Variants in RBM20 observed in about 807,000 individuals in gnomAD.
RBM20 encodes the protein RNA-binding protein 20.
RBM20 carries 51 observed loss-of-function variants against 110.1 expected under a neutral mutation model. That is an observed-to-expected ratio of 0.46 (90% CI 0.37 to 0.59). The LOEUF is 0.59. Ranked by LOEUF, RBM20 falls within the 20% of genes least tolerant of loss-of-function variation. The probability of loss-of-function intolerance (pLI) is 0.00; values close to 1 mark genes in which losing one functional copy is unlikely to be tolerated. For missense variants in RBM20, 1,512 were observed against 1,574.9 expected, an observed-to-expected ratio of 0.96 and a Z score of 0.68; for synonymous variants, 589 against 618.2, an observed-to-expected ratio of 0.95 and a Z score of 0.70.
At chr10:110,771,428 C>T (rs1477733469) in intron 1 of RBM20, among the ~76,000 whole-genome samples, 1 of 152,180 alleles carries the variant, frequency 6.6e-6, no homozygotes, top group African/African-American at 2.4e-5. Flanking sequence ...CCATGCCTAG[C>T]CCATTGAATA....
intron 1 of RBM20, among the ~76,000 whole-genome samples, chr10:110,651,341 T>C (rs1023886157): frequency 2.6e-5 from 4 of 152,218 alleles, no homozygotes; most frequent in Admixed American, 2.0e-4. Context: ...TCACAAAGAA[T>C]ATTTGGATCA....
chr10:110,732,799 C>G (rs147954981), intron 1 of RBM20, among the ~76,000 whole-genome samples: 1 of 152,142 alleles, frequency 6.6e-6, no homozygotes, highest in African/African-American at 2.4e-5. Context: ...GAAGACCTCA[C>G]TGGAAATCAT....
chr10:110,775,091 G>A (rs1844243886), intron 1 of RBM20, among the ~76,000 whole-genome samples: 1 of 152,188 alleles, frequency 6.6e-6, no homozygotes, highest in African/African-American at 2.4e-5. Flanking sequence ...CTAGCAGAAT[G>A]TGTCATAAAG....
chr10:110,706,390 A>G (rs750776239), intron 1 of RBM20, among the ~76,000 whole-genome samples: 22 of 152,356 alleles, frequency 1.4e-4, no homozygotes, highest in Admixed American at 3.9e-4. Flanking sequence ...AATGGGCAAT[A>G]TCTGTGTGTC....
intron 5 of RBM20, among the ~76,000 whole-genome samples, chr10:110,795,168 C>A (rs1461216758): frequency 2.6e-5 from 4 of 152,252 alleles, no homozygotes; most frequent in Non-Finnish European, 5.9e-5. Flanking sequence ...ACCAGCCACT[C>A]TACCCTGCTT....
intron 1 of RBM20, among the ~76,000 whole-genome samples, chr10:110,687,519 GC>G (rs1590617707): frequency 6.6e-6 from 1 of 152,144 alleles, no homozygotes; most frequent in African/African-American, 2.4e-5. Context: ...ATCTAAACGA[GC>G]AAAAAATGTC....
chr10:110,718,918 A>C (rs1383640953), intron 1 of RBM20, among the ~76,000 whole-genome samples: 6 of 152,028 alleles, frequency 3.9e-5, no homozygotes, highest in Non-Finnish European at 7.4e-5. Context: ...ACCCAGCCTA[A>C]TTCTACTTCT....
chr10:110,693,858 G>A (rs1862624139), intron 1 of RBM20, among the ~76,000 whole-genome samples: 1 of 152,158 alleles, frequency 6.6e-6, no homozygotes, highest in South Asian at 2.1e-4. Flanking sequence ...GGAGTTTTTG[G>A]TAAAATATCA....
At chr10:110,746,380 A>C (rs1383596064) in intron 1 of RBM20, among the ~76,000 whole-genome samples, 1 of 152,198 alleles carries the variant, frequency 6.6e-6, no homozygotes, top group Non-Finnish European at 1.5e-5. Context: ...TATTTAATCC[A>C]CTGTAGAGTG....
chr10:110,728,979 C>G (rs1327813922), intron 1 of RBM20, among the ~76,000 whole-genome samples: 2 of 152,146 alleles, frequency 1.3e-5, no homozygotes, highest in African/African-American at 4.8e-5. Context: ...TTCACTGCTC[C>G]CCTGCCCATA....
intron 1 of RBM20, among the ~76,000 whole-genome samples, chr10:110,717,543 CTGAG>C (rs1428625316): frequency 6.6e-6 from 1 of 152,166 alleles, no homozygotes; most frequent in Non-Finnish European, 1.5e-5. Context: ...CTGGAATGAA[CTGAG>C]TGTGAGGTGG....
At chr10:110,644,304 T>A (rs557170936), upstream of RBM20, 42 of 516,328 alleles carry the variant, frequency 8.1e-5, no homozygotes, top group South Asian at 1.7e-3. The surrounding 1 kb of genome is among the most constrained non-coding windows in gnomAD (Gnocchi z 4.3). Flanking sequence ...CCGCCAGGAC[T>A]GCCTCCTCCC....
In RBM20 at chr10:110,799,821, A is replaced by G. The variant is rs1844598504; in HGVS notation, c.1703A>G (p.Gln568Arg). 6.4e-7 allele frequency: 1 copy of G among 1,551,584 alleles called. No homozygotes were observed. The highest frequency in any genetic ancestry group is 8.7e-7 in the Non-Finnish European group (1 of 1,146,740). Residue 568 changes from glutamine to arginine, a missense_variant, in exon 7 of 14, where the codon CAG (glutamine) becomes CGG (arginine). Physicochemically the swap from Gln to Arg is conservative, Grantham distance 43. This residue lies in a region of RBM20 where 1,149 missense variants were observed against 1,169.4 expected (regional missense o/e 0.98). Coordinates refer to ENST00000369519, the MANE Select transcript of RBM20 (RefSeq NM_001134363.3). ...GAGATGGCTTACACAGAAGCTGCAC[A>G]GGCCATGGTCCAGTATTATCAAGAA... is the stretch of plus-strand genomic sequence containing the variant. ...FLEMAYTEAA[Q>R]AMVQYYQEKS...
At chr10:110,759,213 T>C (rs1843962471) in intron 1 of RBM20, among the ~76,000 whole-genome samples, 1 of 152,198 alleles carries the variant, frequency 6.6e-6, no homozygotes. Flanking sequence ...TTGCATCTTC[T>C]GGTAACAAGA....
intron 5 of RBM20, among the ~76,000 whole-genome samples, chr10:110,787,785 A>G (rs1285684639): frequency 1.3e-5 from 2 of 152,106 alleles, no homozygotes; most frequent in African/African-American, 4.8e-5. Context: ...CTAGGAGGGG[A>G]CAGAGACCTA....
chr10:110,783,322 G>A (rs367784110), intron 2 of RBM20, 44 bp from the exon 3 acceptor site: 123 of 1,471,362 alleles, frequency 8.4e-5, no homozygotes, highest in Middle Eastern at 1.9e-4. Flanking sequence ...GCCTTCCCAT[G>A]GACTCAGTTC....
intron 1 of RBM20, among the ~76,000 whole-genome samples, chr10:110,746,951 T>A (rs573275066): frequency 2.5e-3 from 387 of 152,344 alleles, no homozygotes; most frequent in Non-Finnish European, 4.2e-3. Flanking sequence ...TTTTCTTTTT[T>A]CTACCCTCTG....
chr10:110,770,322 C>G (rs1343335252), intron 1 of RBM20, among the ~76,000 whole-genome samples: 1 of 152,182 alleles, frequency 6.6e-6, no homozygotes, highest in Admixed American at 6.5e-5. Flanking sequence ...GCACCATGGC[C>G]AGATCATCCT....
chr10:110,650,423 A>C (rs1326993928), intron 1 of RBM20, among the ~76,000 whole-genome samples: 1 of 152,210 alleles, frequency 6.6e-6, no homozygotes, highest in East Asian at 1.9e-4. Flanking sequence ...CAGTTAAGCA[A>C]CTTGCATGAG....
Sources: allele counts gnomAD v4.1 joint callset (sites outside exome capture counted in the v4.1 genomes callset), GRCh38; gene constraint gnomAD v4.1.1; regional missense constraint gnomAD v4.1.1; non-coding constraint Gnocchi (gnomAD v3.1); transcripts MANE v1.5; gene names NCBI Gene and HGNC (gene_info 2026-07-23, HGNC 2026-07-21).